ULK1: variants seen among roughly 807,000 people sequenced by gnomAD.
The protein encoded by ULK1 is serine/threonine-protein kinase ULK1.
ULK1 carries 48 observed loss-of-function variants against 117.5 expected under a neutral mutation model. That is an observed-to-expected ratio of 0.41 (90% CI 0.32 to 0.52). The LOEUF (loss-of-function observed/expected upper bound fraction) is 0.52, where lower values mean the gene tolerates loss of function less well. ULK1 is among the 20% of genes least tolerant of loss of function. The pLI, the probability that ULK1 is intolerant of heterozygous loss-of-function variation, is 0.29. For missense variants in ULK1, 1,387 were observed against 1,473.4 expected, an observed-to-expected ratio of 0.94 and a Z score of 0.96; for synonymous variants, 790 against 637.8, an observed-to-expected ratio of 1.24 and a Z score of -3.60.
chr12:131,906,699 G>A lies in ULK1; in HGVS notation c.247-193G>A. The A allele has an allele frequency of 3.0e-6, 2 of 660,852 alleles. 1 individual carries two copies. The highest frequency in any genetic ancestry group is 3.5e-5 in the South Asian group (2 of 56,524). The allele number at this position is 660,852 out of a possible 1,614,324, so 40.9% of individuals were successfully genotyped here. ...TTTGCCTTGATCAGATGGAGACCTG[G>A]CTGGCCACAAAACAGAACACACCCA... is the stretch of plus-strand genomic sequence containing the variant. On this transcript the variant is annotated intron_variant, in intron 3 of 27. Transcript: ENST00000321867.
chr12:131,913,598 G>A (rs1889638841), intron 14 of ULK1, 149 bp from the exon 15 acceptor site: 9 of 553,194 alleles, frequency 1.6e-5, no homozygotes, highest in South Asian at 1.1e-4. Context: ...CCAGCTACTC[G>A]GGAGGCTGAG....
intron 3 of ULK1, among the ~76,000 whole-genome samples, chr12:131,896,188 C>CATT (rs1173664280): frequency 1.3e-5 from 2 of 152,176 alleles, no homozygotes; most frequent in Admixed American, 6.5e-5. Flanking sequence ...TGTTTGTTGA[C>CATT]ATTGCTCCTG....
chr12:131,906,110 T>C (rs1292552072), intron 3 of ULK1, among the ~76,000 whole-genome samples: 1 of 152,146 alleles, frequency 6.6e-6, no homozygotes, highest in East Asian at 1.9e-4. Context: ...TTCTTTTTTT[T>C]TGAGATGGAG....
In ULK1 at chr12:131,916,011, C is replaced by G. The variant is rs769419922; in HGVS notation, c.1730C>G (p.Pro577Arg). 6.2e-7 allele frequency: 1 copy of G among 1,612,362 alleles called. No homozygotes were observed. Among genetic ancestry groups the G allele is most frequent in the Admixed American group, 1.7e-5 (1 of 59,988 alleles). ...RPKLPKPPTDPLGAVFSPPQA... is the reference protein window; with the variant it reads ...RPKLPKPPTDRLGAVFSPPQA... The stretch of plus-strand genomic sequence containing the variant: ...AAGCTGCCCAAACCCCCCACGGACC[C>G]CCTGGGAGCTGTGTTCAGCCCACCA... Residue 577 changes from proline to arginine, a missense_variant, in exon 19 of 28, where the codon CCC (proline) becomes CGC (arginine). Physicochemically the swap from Pro to Arg is moderately radical, Grantham distance 103 (BLOSUM62 -2). Coordinates refer to ENST00000321867, the MANE Select transcript of ULK1 (RefSeq NM_003565.4).
At chr12:131,920,800 C>A (rs920569440) in intron 26 of ULK1, 3 of 397,840 alleles carry the variant, frequency 7.5e-6, no homozygotes, top group East Asian at 7.7e-5. Flanking sequence ...CCTCCTGCCC[C>A]CCTTCCCGCC....
At chr12:131,907,719 A>C (rs1393455673) in intron 5 of ULK1, among the ~76,000 whole-genome samples, 188 bp downstream of exon 5, 1 of 152,106 alleles carries the variant, frequency 6.6e-6, no homozygotes, top group Non-Finnish European at 1.5e-5. Context: ...CCGGCTGTTA[A>C]GGATGCAGTC....
chr12:131,917,487 C>G lies in ULK1; in HGVS notation c.2259C>G (p.Val753=). 1 of 1,505,586 alleles carries G rather than the reference C, an allele frequency of 6.6e-7. No individual in the cohort carries two copies. Among genetic ancestry groups the G allele is most frequent in the Non-Finnish European group, 8.9e-7 (1 of 1,126,030 alleles). The allele number at this position is 1,505,586 out of a possible 1,614,324, so 93.3% of individuals were successfully genotyped here. A position where few individuals can be genotyped will look rare whatever the true frequency, so the allele number is the denominator to read the frequency against. ...AGGTSSPSPV[V]FTVGSPPSGS... ...GCACCAGCAGCCCTTCCCCGGTGGT[C>G]TTCACCGTGGGCTCTCCCCCGAGCG... Residue 753 remains valine, a synonymous_variant, in exon 22 of 28, where the codon GTC becomes GTG. Transcript: ENST00000321867.
At chr12:131,898,269 G>T (rs1888954757) in intron 3 of ULK1, 1 of 152,214 alleles carries the variant, frequency 6.6e-6, no homozygotes. Context: ...TGGGATGCTG[G>T]TACATCAGGG....
chr12:131,912,732 CG>C (rs1348842905), intron 13 of ULK1, among the ~76,000 whole-genome samples: 2 of 152,312 alleles, frequency 1.3e-5, no homozygotes, highest in South Asian at 2.1e-4. Context: ...CAGACAGACC[CG>C]GGGAGGGCCT....
At chr12:131,909,007 G>C (rs1057170606) in intron 7 of ULK1, 36 bp downstream of exon 7, 2 of 1,612,512 alleles carry the variant, frequency 1.2e-6, no homozygotes, top group South Asian at 1.1e-5. Context: ...CCGGGTGGGC[G>C]CCTCTCTGGG....
intron 3 of ULK1, chr12:131,897,655 G>C (rs1819425088): frequency 6.6e-6 from 1 of 152,060 alleles, no homozygotes; most frequent in African/African-American, 2.4e-5. Flanking sequence ...GCCAGGCACA[G>C]TGGATCACAC....
chr12:131,918,704 GT>G (rs1473890657), intron 23 of ULK1, 23 bp downstream of exon 23: 8 of 1,505,156 alleles, frequency 5.3e-6, no homozygotes, highest in Non-Finnish European at 7.2e-6. Context: ...GTGAGCAAAG[GT>G]TCCCATTCTG....
intron 3 of ULK1, among the ~76,000 whole-genome samples, chr12:131,901,061 G>C (rs1256125513): frequency 6.8e-6 from 1 of 148,090 alleles, no homozygotes; most frequent in African/African-American, 2.5e-5. Context: ...TTTTAACTTT[G>C]AAAACAATGG....
In ULK1 at chr12:131,917,779, G is replaced by C. The variant is rs117346657; in HGVS notation, c.2326+225G>C. The stretch of plus-strand genomic sequence containing the variant: ...TCAGACCACCCCTGCCACTCAACCT[G>C]TGAGCGGTAGGCGCTCGTTCCCATT... On this transcript the variant is annotated intron_variant, in intron 22 of 27. Coordinates refer to ENST00000321867, the MANE Select transcript of ULK1 (RefSeq NM_003565.4). Among the ~76,000 whole-genome samples, 1,058 of 152,330 alleles carry C rather than the reference G, an allele frequency of 6.9e-3. 31 individuals are homozygous for C. In the South Asian group the frequency reaches 0.096, roughly 14 times the overall value.
intron 10 of ULK1, 77 bp downstream of exon 10, chr12:131,910,078 G>A (rs1889465950): frequency 1.3e-5 from 20 of 1,578,424 alleles, no homozygotes; most frequent in South Asian, 5.6e-5. Context: ...AGGGCCCACC[G>A]GCTTCACACC....
chr12:131,908,622 C>A, intron 5 of ULK1, 22 bp from the exon 6 acceptor site: 1 of 1,463,832 alleles, frequency 6.8e-7, no homozygotes, highest in Non-Finnish European at 9.0e-7. Flanking sequence ...GCCCCCAGGC[C>A]CTGAGCCGCC....
rs2136371701 is a variant in ULK1, at chr12:131,894,679, T to C, written c.-323T>C. 6.6e-6 allele frequency: 1 copy of C among 150,906 alleles called. No homozygotes were observed. Among genetic ancestry groups the C allele is most frequent in the East Asian group, 2.0e-4 (1 of 5,048 alleles). 9.3% of individuals were successfully genotyped at this position (150,906 alleles called of 1,614,324 possible). ...GCCCGGGCGCCGCGGCTCTTTTGTT[T>C]CTCCGTTGGGGCCGAGCCCGGGCCC... On this transcript the variant is annotated 5_prime_UTR_variant, in exon 1 of 28. Transcript: ENST00000321867.
At chr12:131,907,566 C>T (rs780329804) in intron 5 of ULK1, 35 bp downstream of exon 5, 9 of 1,600,470 alleles carry the variant, frequency 5.6e-6, no homozygotes, top group Middle Eastern at 1.9e-4. Flanking sequence ...GGCTGCCAGC[C>T]GGTCCCACAG....
chr12:131,913,880 C>T (rs746299034), intron 15 of ULK1, 44 bp downstream of exon 15: 1 of 1,432,704 alleles, frequency 7.0e-7, no homozygotes, highest in Non-Finnish European at 9.2e-7. Flanking sequence ...GTGAACAGTC[C>T]CCCGGCTGGA....
Sources: gnomAD v4.1 joint callset for allele counts (sites outside exome capture counted in the v4.1 genomes callset) on GRCh38, gnomAD v4.1.1 for gene constraint, MANE v1.5 for transcripts, NCBI Gene and HGNC (gene_info 2026-07-23, HGNC 2026-07-21) for gene names.